The following LAMB1 variants were observed in gnomAD, a reference collection of about 807,000 sequenced individuals.
LAMB1 encodes the protein laminin subunit beta 1.
LAMB1 carries 121 observed loss-of-function variants against 222.3 expected under a neutral mutation model. The ratio of observed to expected loss-of-function variants is 0.54; its 90% CI spans 0.47 to 0.63. The LOEUF is 0.63. LAMB1 is among the 30% of genes least tolerant of loss of function. The pLI is 0.00. For missense variants in LAMB1, 2,172 were observed against 2,240.8 expected (o/e 0.97, Z 0.62); for synonymous variants, 794 against 807.2 (o/e 0.98, Z 0.28).
chr7:107,932,057 T>G, intron 28 of LAMB1, 117 bp downstream of exon 28: 1 of 904,188 alleles, frequency 1.1e-6, no homozygotes, highest in Non-Finnish European at 1.8e-6. Flanking sequence ...TATTTGATTG[T>G]GATATGCCCT....
rs756938748 is a variant in LAMB1 at position 108,002,383 on chromosome 7, T to G, written c.37+466A>C. 12 of 1,316,418 alleles carry G rather than the reference T, an allele frequency of 9.1e-6. No homozygotes were observed. In the South Asian group the frequency reaches 1.4e-4, roughly 15 times the overall value. 81.5% of individuals were successfully genotyped at this position (1,316,418 alleles called of 1,614,324 possible). Reference sequence around the variant, plus strand: ...CCAGGGAAGCGCCAGGTCCTGCTGTTTCTGGTGCCATCCGGAGACAAACAG... The same window carrying G: ...CCAGGGAAGCGCCAGGTCCTGCTGTGTCTGGTGCCATCCGGAGACAAACAG... On this transcript the variant is annotated intron_variant, in intron 2 of 33. Coordinates refer to ENST00000222399, the MANE Select transcript of LAMB1 (RefSeq NM_002291.3).
chr7:107,926,383 C>G (rs759853501), intron 31 of LAMB1, 24 bp from the exon 32 acceptor site: 2 of 1,603,704 alleles, frequency 1.2e-6, no homozygotes, highest in South Asian at 2.2e-5. Flanking sequence ...AATTTTCCAG[C>G]AAGACATTAG....
Position 107,940,291 on chromosome 7 carries a change from G to A in LAMB1, c.3459C>T (p.Cys1153=), listed in dbSNP as rs370561230. Residue 1153 remains cysteine, a synonymous_variant, in exon 25 of 34, where the codon TGC becomes TGT. Coordinates refer to ENST00000222399, the MANE Select transcript of LAMB1 (RefSeq NM_002291.3). ...AGCGTGGACCCTCAACACCCTCAACGCAGACACACTGGCCCGTGGACTGGT... is the reference window on the plus strand; with the variant it reads ...AGCGTGGACCCTCAACACCCTCAACACAGACACACTGGCCCGTGGACTGGT... ...QCDQSTGQCV[C]VEGVEGPRCD... 9.9e-6 allele frequency: 16 copies of A among 1,614,180 alleles called. 1 individual carries two copies. Among genetic ancestry groups the A allele is most frequent in the African/African-American group, 4.0e-5 (3 of 75,048 alleles).
At chr7:107,959,219 A>C (rs371460474) in intron 20 of LAMB1, 30 bp downstream of exon 20, 321 of 1,558,142 alleles carry the variant, frequency 2.1e-4, no homozygotes, top group Non-Finnish European at 2.7e-4. Flanking sequence ...AGAGATCACT[A>C]CATTCTCCTT....
chr7:107,963,165 G>T (rs2150430121), intron 14 of LAMB1, 102 bp from the exon 15 acceptor site: 1 of 1,123,366 alleles, frequency 8.9e-7, no homozygotes, highest in Non-Finnish European at 1.3e-6. Flanking sequence ...CAAAAAGGGT[G>T]GCTACCTTAT....
Position 107,931,355 on chromosome 7 carries a change from C to A in LAMB1, c.4537+1G>T. ...AAAAGTAAAATGAAAAAATTTCTTA[C>A]GGGTCAAAAAGTTTCTGATTTGCTT... On this transcript the variant is annotated splice_donor_variant, in intron 29 of 33. Transcript: ENST00000222399. LOFTEE classifies it high-confidence loss of function. 2 of 1,599,218 alleles carry A rather than the reference C, an allele frequency of 1.3e-6. No homozygotes were observed. Among genetic ancestry groups the A allele is most frequent in the South Asian group, 2.2e-5 (2 of 90,052 alleles).
At chr7:108,000,589 G>T (rs561539788) in intron 3 of LAMB1, among the ~76,000 whole-genome samples, 2 of 152,366 alleles carry the variant, frequency 1.3e-5, no homozygotes, top group East Asian at 3.9e-4. Context: ...TGTTGATCAA[G>T]CTGGAATGCA....
intron 5 of LAMB1, among the ~76,000 whole-genome samples, chr7:107,989,747 T>G (rs1360267275): frequency 6.6e-6 from 1 of 152,082 alleles, no homozygotes; most frequent in African/African-American, 2.4e-5. Flanking sequence ...GAGGGGAAGG[T>G]CTAATCGGAC....
intron 5 of LAMB1, among the ~76,000 whole-genome samples, chr7:107,993,446 C>T (rs1357864047): frequency 6.6e-6 from 1 of 152,050 alleles, no homozygotes; most frequent in Non-Finnish European, 1.5e-5. Flanking sequence ...AACTTGTAGC[C>T]ATTCTGCATG....
intron 32 of LAMB1, 148 bp downstream of exon 32, chr7:107,926,035 C>G: frequency 1.7e-6 from 1 of 602,282 alleles, no homozygotes; most frequent in Non-Finnish European, 2.9e-6. Flanking sequence ...ATCCACACTT[C>G]TAAAGACGGC....
At chr7:107,943,659 G>T (rs1000652058) in intron 24 of LAMB1, among the ~76,000 whole-genome samples, 1 of 152,160 alleles carries the variant, frequency 6.6e-6, no homozygotes, top group Admixed American at 6.5e-5. Context: ...GATTCAGTAG[G>T]TCTGGGTGGG....
intron 24 of LAMB1, among the ~76,000 whole-genome samples, chr7:107,945,434 A>C (rs2033095286): frequency 6.6e-6 from 1 of 152,200 alleles, no homozygotes; most frequent in Admixed American, 6.5e-5. Flanking sequence ...CCAGCACCGA[A>C]GGCTTCACAC....
At chr7:107,926,152 CAT>C in intron 32 of LAMB1, 29 bp downstream of exon 32, 2 of 1,589,404 alleles carry the variant, frequency 1.3e-6, no homozygotes, top group Non-Finnish European at 1.7e-6. Context: ...CCTTTAACAA[CAT>C]AGCTCTGAAA....
intron 27 of LAMB1, chr7:107,932,722 G>T: frequency 1.1e-5 from 3 of 278,546 alleles, no homozygotes; most frequent in African/African-American, 2.3e-5. Context: ...TTTCTAACCA[G>T]TTAGAGTTTA....
chr7:107,960,568 A>C lies in LAMB1; in HGVS notation c.2191T>G (p.Trp731Gly), dbSNP rs758410567. 1.9e-6 allele frequency: 3 copies of C among 1,614,190 alleles called. No individual in the cohort carries two copies. The highest frequency in any genetic ancestry group is 3.3e-4 in the Middle Eastern group (2 of 6,062). Reference sequence around the variant, plus strand: ...CATCGGTATCTCTGAAAGGTTTCCCAGGCACTGTTGGTGACCACCCCATCT... The same window carrying C: ...CATCGGTATCTCTGAAAGGTTTCCCCGGCACTGTTGGTGACCACCCCATCT... ...SGDGVVTNSA[W>G]ETFQRYRCLE... Residue 731 changes from tryptophan (W) to glycine (G), a missense_variant, in exon 18 of 34, where the codon TGG (tryptophan) becomes GGG (glycine). By Grantham distance (184) the Trp-to-Gly change is radical. Transcript: ENST00000222399.
intron 24 of LAMB1, among the ~76,000 whole-genome samples, chr7:107,949,775 C>G (rs1312483988): frequency 1.3e-5 from 2 of 152,190 alleles, no homozygotes; most frequent in Non-Finnish European, 2.9e-5. Context: ...TGCCCACTGA[C>G]CTTTTTCTGC....
chr7:107,990,995 C>A (rs749680339), intron 5 of LAMB1, among the ~76,000 whole-genome samples: 1 of 152,176 alleles, frequency 6.6e-6, no homozygotes, highest in Non-Finnish European at 1.5e-5. Context: ...CATCCCAGTC[C>A]TTGCTTTGTA....
chr7:107,969,893 T>C (rs1001975866), intron 13 of LAMB1, among the ~76,000 whole-genome samples: 1 of 152,242 alleles, frequency 6.6e-6, no homozygotes, highest in Non-Finnish European at 1.5e-5. Context: ...GAAATGTTAT[T>C]ATGCAGTACA....
chr7:108,003,071 G>A lies in LAMB1; in HGVS notation c.-87+40C>T, dbSNP rs965159273. On this transcript the variant is annotated intron_variant, in intron 1 of 33. Coordinates refer to ENST00000222399, the MANE Select transcript of LAMB1 (RefSeq NM_002291.3). ...TCCCACGGAAGCGGGGGGTGGGCTG[G>A]AAAGTGGGGAAAATCGTGCAGCCAC... 3 of 1,335,852 alleles carry A rather than the reference G, an allele frequency of 2.2e-6. No individual in the cohort carries two copies. In the African/African-American group the frequency reaches 4.4e-5, roughly 20 times the overall value. 82.7% of individuals were successfully genotyped at this position (1,335,852 alleles called of 1,614,324 possible). A position where few individuals can be genotyped will look rare whatever the true frequency, so the allele number is the denominator to read the frequency against.
Sources: allele counts gnomAD v4.1 joint callset (sites outside exome capture counted in the v4.1 genomes callset), GRCh38; gene constraint gnomAD v4.1.1; transcripts MANE v1.5; gene names NCBI Gene and HGNC (gene_info 2026-07-23, HGNC 2026-07-21).